AGAP1: variants seen among roughly 807,000 people sequenced by gnomAD.
AGAP1 encodes the protein arf-GAP with GTPase, ANK repeat and PH domain-containing protein 1.
Under a neutral mutation model 105.3 loss-of-function variants are expected in AGAP1, and 29 were observed. The observed-to-expected ratio is 0.28, with a 90% confidence interval of 0.21 to 0.38. AGAP1 has a LOEUF of 0.38. AGAP1 is among the 10% of genes least tolerant of loss of function. The pLI is 1.00. For missense variants in AGAP1, 998 were observed against 1,165.1 expected (o/e 0.86, Z 2.09); for synonymous variants, 509 against 485.9 (o/e 1.05, Z -0.63).
At position 235,606,135 on chromosome 2, in the gene AGAP1, C is replaced by T. The variant is rs187328375; in HGVS notation, c.164-103044C>T. On this transcript the variant is annotated intron_variant, in intron 1 of 17. Coordinates refer to ENST00000304032, the MANE Select transcript of AGAP1 (RefSeq NM_001037131.3). ...TTCCCAAGATCGGCCATTTCCCCGG[C>T]CTTTCACCGGTGAGAAGTAAGGCAT... is the stretch of plus-strand genomic sequence containing the variant. Among the ~76,000 whole-genome samples the T allele has an allele frequency of 5.3e-5, 8 of 152,332 alleles. No individual in the cohort carries two copies. The East Asian group carries it at 1.5e-3, about 29-fold the overall frequency.
intron 9 of AGAP1, among the ~76,000 whole-genome samples, chr2:235,847,868 T>G (rs1232694682): frequency 1.3e-5 from 2 of 152,228 alleles, no homozygotes; most frequent in Non-Finnish European, 1.5e-5. Context: ...GGCTTGTGTT[T>G]TACATGATGG....
chr2:235,654,670 C>T (rs1164195936), intron 1 of AGAP1, among the ~76,000 whole-genome samples: 1 of 152,120 alleles, frequency 6.6e-6, no homozygotes, highest in Non-Finnish European at 1.5e-5. Context: ...AGTGGTCCCC[C>T]CGGCCACTTC....
intron 12 of AGAP1, among the ~76,000 whole-genome samples, chr2:235,954,829 T>G (rs1423484708): frequency 6.6e-6 from 1 of 152,104 alleles, no homozygotes. Flanking sequence ...CTTTGTTTAT[T>G]TACTGCTATT....
chr2:235,792,805 G>A lies in AGAP1; in HGVS notation c.674-4954G>A, dbSNP rs1334925785. ...TCTAGCAGATCCAAGGGGAGATGCC[G>A]AGTTGGTCATTGGCTACACAACTCT... On this transcript the variant is annotated intron_variant, in intron 6 of 17. Coordinates refer to ENST00000304032, the MANE Select transcript of AGAP1 (RefSeq NM_001037131.3). The surrounding 1 kb of genome is among the most constrained non-coding windows in gnomAD (Gnocchi z 5.3). Among the ~76,000 whole-genome samples the A allele has an allele frequency of 7.9e-5, 12 of 152,188 alleles. No individual in the cohort carries two copies. The highest frequency in any genetic ancestry group is 2.6e-4 in the Admixed American group (4 of 15,284).
intron 6 of AGAP1, among the ~76,000 whole-genome samples, chr2:235,759,354 A>T (rs1477437263): frequency 2.0e-5 from 3 of 151,228 alleles, no homozygotes; most frequent in Admixed American, 6.6e-5. Flanking sequence ...TATTTTTAGT[A>T]GAGACGGGCT....
intron 1 of AGAP1, among the ~76,000 whole-genome samples, chr2:235,652,387 T>A (rs1947625345): frequency 6.6e-6 from 1 of 151,966 alleles, no homozygotes; most frequent in African/African-American, 2.4e-5. Flanking sequence ...CTCTGCATGC[T>A]TCCTACTCCT....
chr2:235,999,950 TA>T (rs2056042139), intron 13 of AGAP1, among the ~76,000 whole-genome samples: 1 of 152,150 alleles, frequency 6.6e-6, no homozygotes. Context: ...AACGTAGTTT[TA>T]TAGTCATGAG....
At chr2:235,709,132 C>G (rs771990012) in intron 1 of AGAP1, 47 bp from the exon 2 acceptor site, 1 of 1,603,464 alleles carries the variant, frequency 6.2e-7, no homozygotes, top group Middle Eastern at 1.7e-4. Context: ...TTGACTTGGC[C>G]TTTACGTGAG....
At position 235,692,363 on chromosome 2, in the gene AGAP1, C is replaced by T. The variant is rs1949774925; in HGVS notation, c.164-16816C>T. Among the ~76,000 whole-genome samples the T allele has an allele frequency of 6.6e-6, 1 of 152,148 alleles. No homozygotes were observed. The highest frequency in any genetic ancestry group is 1.5e-5 in the Non-Finnish European group (1 of 68,024). ...CAGCACTGGGCCGTCCACTTTGCTC[C>T]TTTGTGCCTGCACTGCCAGGTGCAC... On this transcript the variant is annotated intron_variant, in intron 1 of 17. Coordinates refer to ENST00000304032, the MANE Select transcript of AGAP1 (RefSeq NM_001037131.3). This position sits in a 1 kb window ranked among gnomAD's most constrained non-coding sequence, Gnocchi z 5.8.
chr2:235,753,330 C>T lies in AGAP1; in HGVS notation c.673+2842C>T, dbSNP rs968927591. Among the ~76,000 whole-genome samples the T allele has an allele frequency of 6.6e-6, 1 of 152,178 alleles. No individual in the cohort carries two copies. The highest frequency in any genetic ancestry group is 1.5e-5 in the Non-Finnish European group (1 of 68,044). On this transcript the variant is annotated intron_variant, in intron 6 of 17. Coordinates refer to ENST00000304032, the MANE Select transcript of AGAP1 (RefSeq NM_001037131.3). The surrounding 1 kb of genome is among the most constrained non-coding windows in gnomAD (Gnocchi z 4.5). ...TCATGTCGCACCTCCCCAGGTGATGCTGTGATGAGTGTCCGTTTTCATGGG... is the reference window on the plus strand; with the variant it reads ...TCATGTCGCACCTCCCCAGGTGATGTTGTGATGAGTGTCCGTTTTCATGGG...
chr2:236,045,824 G>A lies in AGAP1; in HGVS notation c.1892-3235G>A. On this transcript the variant is annotated intron_variant, in intron 15 of 17. Transcript: ENST00000304032. The surrounding 1 kb of genome is among the most constrained non-coding windows in gnomAD (Gnocchi z 6.9). ...TGCCGATGAGTCATTCTCTGCTGGA[G>A]CGGAGGCAAGGTTCTCCCCTCAGTC... is the stretch of plus-strand genomic sequence containing the variant. The A allele has an allele frequency of 2.5e-6, 1 of 401,398 alleles. No individual in the cohort carries two copies. Among genetic ancestry groups the A allele is most frequent in the African/African-American group, 2.1e-5 (1 of 48,758 alleles). 24.9% of individuals were successfully genotyped at this position (401,398 alleles called of 1,614,324 possible). A position where few individuals can be genotyped will look rare whatever the true frequency, so the allele number is the denominator to read the frequency against.
At position 235,550,752 on chromosome 2, in the gene AGAP1, C is replaced by T. The variant is rs1943779038; in HGVS notation, c.163+55903C>T. Among the ~76,000 whole-genome samples, 1 of 152,108 alleles carries T rather than the reference C, an allele frequency of 6.6e-6. No homozygotes were observed. The highest frequency in any genetic ancestry group is 2.1e-4 in the South Asian group (1 of 4,820). On this transcript the variant is annotated intron_variant, in intron 1 of 17. Transcript: ENST00000304032. This position sits in a 1 kb window ranked among gnomAD's most constrained non-coding sequence, Gnocchi z 4.6. ...TGGCCAAAGAGTGAGCTCTTTGATGCTGATGAGATAGTGTTTATTTATTTT... is the reference window on the plus strand; with the variant it reads ...TGGCCAAAGAGTGAGCTCTTTGATGTTGATGAGATAGTGTTTATTTATTTT...
chr2:235,626,877 TGGTG>T (rs1349094553), intron 1 of AGAP1, among the ~76,000 whole-genome samples: 1 of 152,208 alleles, frequency 6.6e-6, no homozygotes, highest in Admixed American at 6.5e-5. Context: ...CAAAAACACA[TGGTG>T]GGCTGGATTT....
chr2:236,032,097 T>G (rs553239817), intron 13 of AGAP1, among the ~76,000 whole-genome samples: 2 of 152,320 alleles, frequency 1.3e-5, no homozygotes, highest in Non-Finnish European at 1.5e-5. Context: ...AGCTAAGAGA[T>G]CCTCCTCTTT....
Position 236,009,195 on chromosome 2 carries a change from T to C in AGAP1, c.1646-27366T>C, listed in dbSNP as rs2056424659. On this transcript the variant is annotated intron_variant, in intron 13 of 17. Coordinates refer to ENST00000304032, the MANE Select transcript of AGAP1 (RefSeq NM_001037131.3). The surrounding 1 kb of genome is among the most constrained non-coding windows in gnomAD (Gnocchi z 4.2). ...ATGAAAAAAAGAAATCCACTGCCTT[T>C]TTATAAGAGAACAGAACATTTACAC... Among the ~76,000 whole-genome samples, 1 of 152,200 alleles carries C rather than the reference T, an allele frequency of 6.6e-6. No individual in the cohort carries two copies. The highest frequency in any genetic ancestry group is 2.1e-4 in the South Asian group (1 of 4,828).
At chr2:235,810,780 C>A (rs574162549) in intron 9 of AGAP1, among the ~76,000 whole-genome samples, 1 of 150,976 alleles carries the variant, frequency 6.6e-6, no homozygotes, top group East Asian at 1.9e-4. Context: ...TCTACTTCTC[C>A]TTTGGTGTCC....
intron 13 of AGAP1, among the ~76,000 whole-genome samples, chr2:236,010,936 A>G (rs1000352613): frequency 2.0e-5 from 3 of 152,076 alleles, no homozygotes; most frequent in African/African-American, 7.2e-5. Context: ...GGTCCCAGCT[A>G]CTCGGGCGGC....
At chr2:235,542,054 T>C (rs144442096) in intron 1 of AGAP1, among the ~76,000 whole-genome samples, 2 of 152,376 alleles carry the variant, frequency 1.3e-5, no homozygotes, top group African/African-American at 4.8e-5. Flanking sequence ...AAGTTGTGAA[T>C]GATCAGGTTG....
intron 1 of AGAP1, among the ~76,000 whole-genome samples, chr2:235,677,673 T>C (rs867264334): frequency 2.0e-5 from 3 of 151,860 alleles, no homozygotes; most frequent in African/African-American, 7.2e-5. Flanking sequence ...GGGAATCTTG[T>C]GTGCCCTTTG....
Sources: allele counts gnomAD v4.1 joint callset (sites outside exome capture counted in the v4.1 genomes callset), GRCh38; gene constraint gnomAD v4.1.1; non-coding constraint Gnocchi (gnomAD v3.1); transcripts MANE v1.5; gene names NCBI Gene and HGNC (gene_info 2026-07-23, HGNC 2026-07-21).